CPXM2: variants seen among roughly 807,000 people sequenced by gnomAD.
The protein encoded by CPXM2 is carboxypeptidase X, M14 family member 2.
A neutral mutation model predicts 86.1 loss-of-function variants in CPXM2; 66 were observed. That is an observed-to-expected ratio of 0.77 (90% CI 0.63 to 0.94). CPXM2 has a LOEUF of 0.94. CPXM2 is among the 40% of genes least tolerant of loss of function. The pLI, the probability that CPXM2 is intolerant of heterozygous loss-of-function variation, is 0.00. For missense variants in CPXM2, 948 were observed against 1,026.3 expected (o/e 0.92, Z 1.04); for synonymous variants, 388 against 400.2 (o/e 0.97, Z 0.36).
intron 4 of CPXM2, among the ~76,000 whole-genome samples, chr10:123,820,929 G>T (rs2134111937): frequency 6.6e-6 from 1 of 152,278 alleles, no homozygotes; most frequent in South Asian, 2.1e-4. Flanking sequence ...AGTCGCTTTT[G>T]CCATGTAAGG....
At position 123,797,987 on chromosome 10, in the gene CPXM2, C is replaced by A. The variant is rs765155654; in HGVS notation, c.878G>T (p.Cys293Phe). 1.2e-6 allele frequency: 2 copies of A among 1,601,376 alleles called. No individual in the cohort carries two copies. The highest frequency in any genetic ancestry group is 1.3e-5 in the African/African-American group (1 of 74,408). The change falls in exon 6 of 14, where the codon TGC (cysteine) becomes TTC (phenylalanine). Residue 293 changes from cysteine (C) to phenylalanine (F), a missense_variant. Cys to Phe is a radical substitution (Grantham distance 205). Coordinates refer to ENST00000241305, the MANE Select transcript of CPXM2 (RefSeq NM_198148.3). The stretch of plus-strand genomic sequence containing the variant: ...GAGGGTGAACTCACCTGGCAGTGGG[C>A]AGCCCAGGATCTCCATTCTCATGCA... ...SICMRMEILG[C>F]PLPDPNNYYH...
intron 3 of CPXM2, among the ~76,000 whole-genome samples, chr10:123,849,674 A>G (rs1047996505): frequency 5.9e-5 from 9 of 152,124 alleles, no homozygotes; most frequent in African/African-American, 2.2e-4. Context: ...CAACCTCCCA[A>G]AGTGCTGGGA....
rs115208316 is a variant in CPXM2, at chr10:123,902,232, G to A, written n.175-21923C>T. On this transcript the variant is annotated intron_variant and non_coding_transcript_variant, in intron 2 of 19. Coordinates refer to the CPXM2 transcript ENST00000368854. The stretch of plus-strand genomic sequence containing the variant: ...CCAGGCGAGGTCATGCAGCTCACAG[G>A]CAGGTTACCCAGGGGAGTAATCTGA... 7.0e-3 allele frequency among the ~76,000 whole-genome samples: 1,064 copies of A among 152,268 alleles called. 18 individuals carry two copies. Among genetic ancestry groups the A allele is most frequent in the African/African-American group, 0.025 (1,036 of 41,544 alleles).
At chr10:123,749,093 TA>T (rs1184076456) in intron 13 of CPXM2, among the ~76,000 whole-genome samples, 1 of 152,176 alleles carries the variant, frequency 6.6e-6, no homozygotes, top group Non-Finnish European at 1.5e-5. Flanking sequence ...GCATGTGGCT[TA>T]CTGGCCTGAG....
chr10:123,876,977 G>A (rs972376380), intron 2 of CPXM2, among the ~76,000 whole-genome samples: 7 of 152,206 alleles, frequency 4.6e-5, no homozygotes, highest in African/African-American at 1.4e-4. Context: ...TCAAGTGTTA[G>A]TCTGATCCCA....
At chr10:123,943,213 C>T (rs192995566), upstream of CPXM2, among the ~76,000 whole-genome samples, 1 of 121,246 alleles carries the variant, frequency 8.2e-6, no homozygotes, top group Non-Finnish European at 1.8e-5. Context: ...ACTGGTCGTA[C>T]CATACTATTG....
chr10:123,749,604 C>T (rs1451782820), intron 13 of CPXM2, among the ~76,000 whole-genome samples: 1 of 152,208 alleles, frequency 6.6e-6, no homozygotes, highest in African/African-American at 2.4e-5. Context: ...CCTGCCCTCC[C>T]CTATTGTATC....
intron 4 of CPXM2, among the ~76,000 whole-genome samples, chr10:123,823,710 A>G (rs1847980947): frequency 6.6e-6 from 1 of 152,216 alleles, no homozygotes; most frequent in South Asian, 2.1e-4. Context: ...GAGGTTGGTC[A>G]ATAAGAGACA....
chr10:123,910,964 C>G (rs1254676737), intron 2 of CPXM2, among the ~76,000 whole-genome samples: 1 of 151,122 alleles, frequency 6.6e-6, no homozygotes, highest in African/African-American at 2.4e-5. Flanking sequence ...GTCTGGATCT[C>G]TGTGTGTCCA....
At chr10:123,941,479 C>T (rs1362354122), upstream of CPXM2, among the ~76,000 whole-genome samples, 1 of 152,220 alleles carries the variant, frequency 6.6e-6, no homozygotes, top group Non-Finnish European at 1.5e-5. Context: ...CCCCCCACCA[C>T]CACTCCTGTA....
intron 4 of CPXM2, among the ~76,000 whole-genome samples, chr10:123,838,979 T>C (rs1452500893): frequency 1.3e-5 from 2 of 152,240 alleles, no homozygotes; most frequent in Non-Finnish European, 2.9e-5. Context: ...GCAAAGCAGC[T>C]TTCTCTGTCT....
chr10:123,939,015 C>G (rs1028487927), intron 2 of CPXM2, among the ~76,000 whole-genome samples: 1 of 152,174 alleles, frequency 6.6e-6, no homozygotes, highest in Non-Finnish European at 1.5e-5. Context: ...AGACTCACCC[C>G]TCTCCCTCCT....
At chr10:123,821,457 T>C (rs1245752104) in intron 4 of CPXM2, among the ~76,000 whole-genome samples, 3 of 152,234 alleles carry the variant, frequency 2.0e-5, no homozygotes, top group South Asian at 2.1e-4. Flanking sequence ...GATCGGCCAC[T>C]GGAGACTTCT....
rs561084868 is a variant in CPXM2 at position 123,861,109 on chromosome 10, C to G, written c.513+1505G>C. Among the ~76,000 whole-genome samples, 731 of 152,270 alleles carry G rather than the reference C, an allele frequency of 4.8e-3. 3 individuals carry two copies. The highest frequency in any genetic ancestry group is 7.5e-3 in the Non-Finnish European group (513 of 68,028). ...TTATCTGTTTGTACACAGTTCCCAG[C>G]ACAGCAGCTGCCCCTAGCACATTTA... On this transcript the variant is annotated intron_variant, in intron 3 of 13. Transcript: ENST00000241305.
upstream of CPXM2, among the ~76,000 whole-genome samples, chr10:123,941,041 G>A (rs989709063): frequency 1.3e-5 from 2 of 152,158 alleles, no homozygotes; most frequent in African/African-American, 4.8e-5. Context: ...CGTGCTGGTG[G>A]GTGCCTGTAG....
intron 2 of CPXM2, among the ~76,000 whole-genome samples, chr10:123,923,550 CAG>C (rs1203796267): frequency 6.7e-6 from 1 of 150,336 alleles, no homozygotes; most frequent in Non-Finnish European, 1.5e-5. Context: ...CACTGCACTC[CAG>C]CCTGGGCGAC....
chr10:123,836,987 A>AC (rs1430254383), intron 4 of CPXM2, among the ~76,000 whole-genome samples: 1 of 150,794 alleles, frequency 6.6e-6, no homozygotes, highest in Non-Finnish European at 1.5e-5. Context: ...GCCACCCCCC[A>AC]CTAACTTTCC....
intron 6 of CPXM2, among the ~76,000 whole-genome samples, chr10:123,792,572 G>A (rs2134055088): frequency 6.6e-6 from 1 of 152,302 alleles, no homozygotes; most frequent in Admixed American, 6.5e-5. Flanking sequence ...ATGAGAAGCA[G>A]AGACAGATAG....
intron 4 of CPXM2, among the ~76,000 whole-genome samples, chr10:123,816,494 C>T (rs1483124907): frequency 1.3e-5 from 2 of 152,216 alleles, no homozygotes; most frequent in Non-Finnish European, 1.5e-5. Context: ...CCACCACATC[C>T]CCATTCAACT....
Sources: allele counts gnomAD v4.1 joint callset (sites outside exome capture counted in the v4.1 genomes callset), GRCh38; gene constraint gnomAD v4.1.1; transcripts MANE v1.5; gene names NCBI Gene and HGNC (gene_info 2026-07-23, HGNC 2026-07-21).